The following GALNTL6 variants were observed in gnomAD, a reference collection of about 807,000 sequenced individuals.
GALNTL6 encodes the protein polypeptide N-acetylgalactosaminyltransferase like 6, also known as polypeptide N-acetylgalactosaminyltransferase-like 6.
In GALNTL6, 46 loss-of-function variants were observed where a neutral mutation model predicts 73.7. The ratio of observed to expected loss-of-function variants is 0.62; its 90% confidence interval spans 0.49 to 0.80. GALNTL6 has a LOEUF of 0.80. Ranked by LOEUF, GALNTL6 falls within the 30% of genes least tolerant of loss-of-function variation. The probability of loss-of-function intolerance (pLI) is 0.00; values close to 1 mark genes in which losing one functional copy is unlikely to be tolerated. For missense variants in GALNTL6, 604 were observed against 755.0 expected (o/e 0.80, Z 2.34); for synonymous variants, 259 against 263.7 (o/e 0.98, Z 0.17).
intron 4 of GALNTL6, among the ~76,000 whole-genome samples, chr4:172,319,587 T>G (rs1425458570): frequency 2.6e-5 from 4 of 152,196 alleles, no homozygotes; most frequent in East Asian, 1.9e-4. Context: ...AATCATTATC[T>G]TAAAACATAC....
At chr4:172,368,345 C>T (rs893911461) in intron 5 of GALNTL6, among the ~76,000 whole-genome samples, 1 of 152,126 alleles carries the variant, frequency 6.6e-6, no homozygotes, top group African/African-American at 2.4e-5. Flanking sequence ...CACGCCATTG[C>T]ACTCCAGCCT....
intron 10 of GALNTL6, among the ~76,000 whole-genome samples, chr4:172,981,354 C>T (rs1471558701): frequency 6.6e-6 from 1 of 152,180 alleles, no homozygotes; most frequent in African/African-American, 2.4e-5. Flanking sequence ...CACATACTTG[C>T]CAACACTTGT....
At chr4:172,403,622 C>T (rs1744116333) in intron 5 of GALNTL6, among the ~76,000 whole-genome samples, 1 of 151,924 alleles carries the variant, frequency 6.6e-6, no homozygotes, top group Admixed American at 6.6e-5. Context: ...TACATCATCA[C>T]TTAGTATGTC....
intron 5 of GALNTL6, among the ~76,000 whole-genome samples, chr4:172,602,947 A>G (rs1339753794): frequency 5.9e-5 from 9 of 152,158 alleles, no homozygotes; most frequent in South Asian, 2.1e-4. Flanking sequence ...CCAAAAAAAG[A>G]TTATGCCATT....
intron 5 of GALNTL6, among the ~76,000 whole-genome samples, chr4:172,768,000 G>T (rs1044313744): frequency 6.6e-6 from 1 of 152,038 alleles, no homozygotes; most frequent in Non-Finnish European, 1.5e-5. Flanking sequence ...CTGCAAAGAG[G>T]TATAAAGAAG....
At chr4:172,171,236 G>A (rs930410369) in intron 2 of GALNTL6, among the ~76,000 whole-genome samples, 1 of 152,054 alleles carries the variant, frequency 6.6e-6, no homozygotes, top group African/African-American at 2.4e-5. Context: ...GAAGGTTATG[G>A]CTGAATATTC....
At position 171,821,640 on chromosome 4, in the gene GALNTL6, G is replaced by GATATATATATATAT. The variant is rs3080305; in HGVS notation, c.138+6936_138+6949dup. 6.4e-3 allele frequency among the ~76,000 whole-genome samples: 939 copies of GATATATATATATAT among 146,046 alleles called. 5 individuals carry two copies. Among genetic ancestry groups the GATATATATATATAT allele is most frequent in the African/African-American group, 9.9e-3 (376 of 37,996 alleles). On this transcript the variant is annotated intron_variant, in intron 2 of 12. Transcript: ENST00000506823. The stretch of plus-strand genomic sequence containing the variant: ...TAACAGTATATAACAAGGCTTAACG[G>GATATATATATATAT]ATATATATATATATATATATATATA...
intron 10 of GALNTL6, among the ~76,000 whole-genome samples, chr4:172,970,136 A>G (rs888446315): frequency 3.3e-5 from 5 of 152,260 alleles, no homozygotes; most frequent in Admixed American, 2.0e-4. Flanking sequence ...CAAAGTTCAC[A>G]TGCTTCTAAG....
chr4:172,027,608 A>G (rs924891926), intron 2 of GALNTL6, among the ~76,000 whole-genome samples: 5 of 152,232 alleles, frequency 3.3e-5, no homozygotes, highest in African/African-American at 1.2e-4. Flanking sequence ...AATGGCCTGT[A>G]GTGAAAAGAA....
chr4:172,758,749 A>G (rs1385655200), intron 5 of GALNTL6, among the ~76,000 whole-genome samples: 2 of 152,210 alleles, frequency 1.3e-5, no homozygotes, highest in Admixed American at 1.3e-4. Context: ...TACCCAGGAC[A>G]TGAATCATCC....
intron 5 of GALNTL6, among the ~76,000 whole-genome samples, chr4:172,565,056 T>C (rs947131556): frequency 6.6e-6 from 1 of 152,172 alleles, no homozygotes; most frequent in Admixed American, 6.5e-5. Flanking sequence ...CCCACCCTGC[T>C]CCACAGATGG....
chr4:172,085,577 A>G (rs1732007347), intron 2 of GALNTL6, among the ~76,000 whole-genome samples: 2 of 152,074 alleles, frequency 1.3e-5, no homozygotes, highest in Non-Finnish European at 2.9e-5. Flanking sequence ...AAAATTATAC[A>G]TTAAGCATGA....
At chr4:171,906,171 C>CA (rs1289529702) in intron 2 of GALNTL6, among the ~76,000 whole-genome samples, 1 of 120,438 alleles carries the variant, frequency 8.3e-6, no homozygotes, top group African/African-American at 3.1e-5. Flanking sequence ...AATAGAGACA[C>CA]AAAAAACCCT....
At chr4:172,183,553 A>G (rs187601194) in intron 2 of GALNTL6, among the ~76,000 whole-genome samples, 18 of 152,276 alleles carry the variant, frequency 1.2e-4, no homozygotes, top group African/African-American at 3.8e-4. Context: ...GACCATTTCA[A>G]TCTCTGTGTT....
chr4:172,427,894 A>T (rs555508696), intron 5 of GALNTL6, among the ~76,000 whole-genome samples: 2 of 152,300 alleles, frequency 1.3e-5, no homozygotes, highest in Non-Finnish European at 2.9e-5. Flanking sequence ...TGCACATATA[A>T]GGAAAAGATA....
At chr4:172,527,175 G>A (rs1486554896) in intron 5 of GALNTL6, among the ~76,000 whole-genome samples, 2 of 152,094 alleles carry the variant, frequency 1.3e-5, no homozygotes, top group Non-Finnish European at 2.9e-5. Context: ...CTGAGGTAAA[G>A]GAAGAATCAT....
chr4:172,367,572 TA>T (rs921028698), intron 5 of GALNTL6, among the ~76,000 whole-genome samples: 13 of 152,066 alleles, frequency 8.5e-5, no homozygotes, highest in African/African-American at 2.9e-4. Context: ...TTAAACCATG[TA>T]AAAAAAAGTG....
chr4:171,960,095 G>C (rs332971), intron 2 of GALNTL6, among the ~76,000 whole-genome samples: 62,659 of 151,868 alleles, frequency 0.41, 13,432 homozygotes, highest in East Asian at 0.54. Context: ...GAAACTACAG[G>C]TACAGATTGT....
rs532889547 is a variant in GALNTL6 at position 172,280,433 on chromosome 4, T to G, written c.248-31181T>G. Among the ~76,000 whole-genome samples, 96 of 152,244 alleles carry G rather than the reference T, an allele frequency of 6.3e-4. 1 individual carries two copies. In the East Asian group the frequency reaches 0.018, roughly 28 times the overall value. The stretch of plus-strand genomic sequence containing the variant: ...TTTTCTTTTATTTTTCAAATGTACA[T>G]GTACATTGAATCTTGCCTTTTTTAT... On this transcript the variant is annotated intron_variant, in intron 3 of 12. Transcript: ENST00000506823.
Sources: allele counts gnomAD v4.1 joint callset (sites outside exome capture counted in the v4.1 genomes callset), GRCh38; gene constraint gnomAD v4.1.1; transcripts MANE v1.5; gene names NCBI Gene and HGNC (gene_info 2026-07-23, HGNC 2026-07-21).